The following CDC42BPB variants were observed in gnomAD, a reference collection of about 807,000 sequenced individuals.
The protein encoded by CDC42BPB is CDC42 binding protein kinase beta.
CDC42BPB carries 37 observed loss-of-function variants against 214.9 expected under a neutral mutation model. That is an observed-to-expected ratio of 0.17 (90% CI 0.13 to 0.23). CDC42BPB has a LOEUF of 0.23. Ranked by LOEUF, CDC42BPB falls within the 10% of genes least tolerant of loss-of-function variation. The pLI, the probability that CDC42BPB is intolerant of heterozygous loss-of-function variation, is 1.00. For missense variants in CDC42BPB, 1,694 were observed against 2,227.0 expected, an observed-to-expected ratio of 0.76 and a Z score of 4.82; for synonymous variants, 931 against 884.0, an observed-to-expected ratio of 1.05 and a Z score of -0.94.
At chr14:102,940,731 G>T (rs1024233916) in intron 30 of CDC42BPB, 2 of 242,018 alleles carry the variant, frequency 8.3e-6, no homozygotes. Context: ...GTAGGAGATG[G>T]CAAGTCCGGT....
Position 102,933,811 on chromosome 14 carries a change from T to G in CDC42BPB, c.5037A>C (p.Pro1679=), listed in dbSNP as rs1353620660. 1 of 1,515,086 alleles carries G rather than the reference T, an allele frequency of 6.6e-7. No individual in the cohort carries two copies. Among genetic ancestry groups the G allele is most frequent in the Non-Finnish European group, 8.8e-7 (1 of 1,140,934 alleles). 93.9% of individuals were successfully genotyped at this position (1,515,086 alleles called of 1,614,324 possible). The change falls in exon 37 of 37, where the codon CCA becomes CCC. Residue 1679 remains proline (P), a synonymous_variant. Transcript: ENST00000361246. ...GGCCGCTGGGGTTGGAGCTATTCGA[T>G]GGAGTTGAGTGTTTGGTGGAGTCCG... ...PDSDSTKHST[P]SNSSNPSGPP...
chr14:102,990,644 T>G (rs957516650), intron 5 of CDC42BPB, among the ~76,000 whole-genome samples: 13 of 152,260 alleles, frequency 8.5e-5, no homozygotes, highest in Admixed American at 5.9e-4. Context: ...GTAATGCGCA[T>G]GCCCAGCACC....
intron 1 of CDC42BPB, among the ~76,000 whole-genome samples, chr14:103,054,161 G>A (rs1216939567): frequency 6.6e-6 from 1 of 152,128 alleles, no homozygotes; most frequent in Non-Finnish European, 1.5e-5. Context: ...ACTGCACCAG[G>A]CCATAATCTT....
chr14:103,034,917 A>G lies in CDC42BPB; in HGVS notation c.175+22082T>C, dbSNP rs966380249. 2.0e-5 allele frequency among the ~76,000 whole-genome samples: 3 copies of G among 152,112 alleles called. No individual in the cohort carries two copies. In the South Asian group the frequency reaches 6.2e-4, roughly 32 times the overall value. ...GATTTTTAAAGTTTCTTTCCTTAAT[A>G]TTAAACAAAGTTTTATTTATATTAC... On this transcript the variant is annotated intron_variant, in intron 1 of 36. Transcript: ENST00000361246.
At chr14:103,005,812 G>A (rs1179562582) in intron 3 of CDC42BPB, among the ~76,000 whole-genome samples, 4 of 152,158 alleles carry the variant, frequency 2.6e-5, no homozygotes, top group African/African-American at 9.7e-5. Context: ...GCGAGGTCAG[G>A]AGTTCAAGAC....
chr14:103,041,125 CATTTA>C (rs1428389561), intron 1 of CDC42BPB, among the ~76,000 whole-genome samples: 1 of 152,146 alleles, frequency 6.6e-6, no homozygotes, highest in Admixed American at 6.6e-5. Context: ...GAAACTCATA[CATTTA>C]TGGTCAACTG....
intron 1 of CDC42BPB, among the ~76,000 whole-genome samples, chr14:103,035,144 G>C (rs1012187474): frequency 6.6e-6 from 1 of 151,208 alleles, no homozygotes; most frequent in African/African-American, 2.4e-5. Flanking sequence ...CACAACTTCC[G>C]CCACCCAGGT....
In CDC42BPB at chr14:103,057,042, C is replaced by A. The variant is rs771104569; in HGVS notation, c.132G>T (p.Ser44=). ...LVCLYTECSH[S]ALRRDKYVAE... is the part of the protein sequence containing the mutation. ...CCACGTACTTGTCGCGGCGCAGGGC[C>A]GAGTGGCTGCACTCGGTGTACAGGC... The change falls in exon 1 of 37, where the codon TCG becomes TCT. Residue 44 remains serine (S), a synonymous_variant. Transcript: ENST00000361246. 1 of 1,516,886 alleles carries A rather than the reference C, an allele frequency of 6.6e-7. No individual in the cohort carries two copies. The highest frequency in any genetic ancestry group is 1.2e-5 in the South Asian group (1 of 81,066). 94.0% of individuals were successfully genotyped at this position (1,516,886 alleles called of 1,614,324 possible). A position where few individuals can be genotyped will look rare whatever the true frequency, so the allele number is the denominator to read the frequency against.
intron 1 of CDC42BPB, among the ~76,000 whole-genome samples, chr14:103,035,057 A>G (rs559823169): frequency 1.4e-5 from 2 of 147,280 alleles, no homozygotes; most frequent in South Asian, 4.2e-4. Context: ...AATTAATTCT[A>G]TACTTTTTTT....
chr14:102,970,420 C>T, intron 13 of CDC42BPB, 159 bp from the exon 14 acceptor site: 1 of 981,478 alleles, frequency 1.0e-6, no homozygotes, highest in Non-Finnish European at 1.2e-6. Flanking sequence ...TTGAGAAATA[C>T]ACTTCTGGGT....
At chr14:103,043,464 G>C (rs1174519191) in intron 1 of CDC42BPB, among the ~76,000 whole-genome samples, 1 of 152,134 alleles carries the variant, frequency 6.6e-6, no homozygotes, top group Non-Finnish European at 1.5e-5. Context: ...AAAATACCCA[G>C]AACAGGCAGA....
chr14:102,975,906 A>G lies in CDC42BPB; in HGVS notation c.1364T>C (p.Leu455Pro). 6.2e-7 allele frequency: 1 copy of G among 1,614,146 alleles called. No individual in the cohort carries two copies. Among genetic ancestry groups the G allele is most frequent in the African/African-American group, 1.3e-5 (1 of 75,038 alleles). Residue 455 changes from leucine (L) to proline (P), a missense_variant, in exon 10 of 37, where the codon CTG becomes CCG. By Grantham distance (98) the Leu-to-Pro change is moderately conservative. This residue lies in a region of CDC42BPB where 462 missense variants were observed against 513.5 expected (regional missense o/e 0.90). Coordinates refer to ENST00000361246, the MANE Select transcript of CDC42BPB (RefSeq NM_006035.4). ...RRIRRLEQEKLELSRKLQEST... is the reference protein window; with the variant it reads ...RRIRRLEQEKPELSRKLQEST... ...ACCTTGCAGCTTCCTGCTCAGCTCC[A>G]GCTTCTCCTGTTCCAGCCTCCGAAT... is the stretch of plus-strand genomic sequence containing the variant.
intron 3 of CDC42BPB, among the ~76,000 whole-genome samples, 166 bp downstream of exon 3, chr14:103,008,306 G>A (rs1885963045): frequency 6.6e-6 from 1 of 152,214 alleles, no homozygotes; most frequent in Admixed American, 6.5e-5. Context: ...AGCAGCAGGC[G>A]CCAGGGAGGA....
chr14:102,946,586 T>C lies in CDC42BPB; in HGVS notation c.3630A>G (p.Glu1210=). The C allele has an allele frequency of 1.2e-6, 2 of 1,612,824 alleles. No homozygotes were observed. The highest frequency in any genetic ancestry group is 1.1e-5 in the South Asian group (1 of 91,090). ...NEKRKWVGIL[E]GLQSILHKNR... is the part of the protein sequence containing the mutation. ...TTTTATGAAGGATGGACTGGAGTCC[T>C]TCTAGAATCCCAACCCACTTCCTCT... Residue 1210 remains glutamate (E), a synonymous_variant, in exon 28 of 37, where the codon GAA becomes GAG. Transcript: ENST00000361246.
chr14:102,965,855 G>T (rs563834712), intron 18 of CDC42BPB, among the ~76,000 whole-genome samples: 1 of 152,362 alleles, frequency 6.6e-6, no homozygotes, highest in African/African-American at 2.4e-5. Flanking sequence ...ACTCGGGGGG[G>T]CTGAGGCAGG....
chr14:102,939,891 T>C lies in CDC42BPB; in HGVS notation c.4648A>G (p.Thr1550Ala), dbSNP rs775479309. 1 of 1,614,030 alleles carries C rather than the reference T, an allele frequency of 6.2e-7. No individual in the cohort carries two copies. The highest frequency in any genetic ancestry group is 8.5e-7 in the Non-Finnish European group (1 of 1,180,028). Residue 1550 changes from threonine (T) to alanine (A), a missense_variant, in exon 33 of 37, where the codon ACC becomes GCC. Transcript: ENST00000361246. ...SDNSKKQMLR[T>A]RSKRRFVFKV... ...AAGACGAACCGCCTTTTGCTCCTGG[T>C]GCGCAGCATCTGCTTCTTGCTGTTG... is the stretch of plus-strand genomic sequence containing the variant.
chr14:102,950,658 G>A, intron 24 of CDC42BPB, 56 bp from the exon 25 acceptor site: 1 of 1,472,352 alleles, frequency 6.8e-7, no homozygotes, highest in Non-Finnish European at 9.0e-7. Context: ...AGAAGTCACT[G>A]CAGAACCTAT....
chr14:103,009,369 C>T (rs894156764), intron 2 of CDC42BPB, among the ~76,000 whole-genome samples: 1 of 152,220 alleles, frequency 6.6e-6, no homozygotes, highest in Non-Finnish European at 1.5e-5. Flanking sequence ...CGCACCCCCA[C>T]TTCACCCTCA....
Position 102,959,860 on chromosome 14 carries a change from AG to A in CDC42BPB, c.2822-151del, listed in dbSNP as rs1367812923. 5,039 of 1,144,548 alleles carry A rather than the reference AG, an allele frequency of 4.4e-3. 60 individuals are homozygous for A. The highest frequency in any genetic ancestry group is 0.025 in the African/African-American group (989 of 40,026). 70.9% of individuals were successfully genotyped at this position (1,144,548 alleles called of 1,614,324 possible). On this transcript the variant is annotated intron_variant, in intron 20 of 36. Transcript: ENST00000361246. Reference sequence around the variant, plus strand: ...AATTAAAAAAAAAAAAAAAAAAAAAAGGGGTCAGGCTTTTCCCCAGAGAGTA... The same window carrying A: ...AATTAAAAAAAAAAAAAAAAAAAAAAGGGTCAGGCTTTTCCCCAGAGAGTA...
Sources: allele counts gnomAD v4.1 joint callset (sites outside exome capture counted in the v4.1 genomes callset), GRCh38; gene constraint gnomAD v4.1.1; regional missense constraint gnomAD v4.1.1; transcripts MANE v1.5; gene names NCBI Gene and HGNC (gene_info 2026-07-23, HGNC 2026-07-21).